DGKI: variants seen among roughly 807,000 people sequenced by gnomAD.
The protein encoded by DGKI is diacylglycerol kinase iota, also known as DAG kinase iota.
In DGKI, 55 loss-of-function variants were observed where a neutral mutation model predicts 147.5. The observed-to-expected ratio is 0.37, with a 90% confidence interval of 0.30 to 0.47. The LOEUF (loss-of-function observed/expected upper bound fraction) is 0.47, where lower values mean the gene tolerates loss of function less well. DGKI is among the 20% of genes least tolerant of loss of function. DGKI has a pLI of 1.00. For missense variants in DGKI, 1,007 were observed against 1,323.8 expected (o/e 0.76, Z 3.71); for synonymous variants, 469 against 477.1 (o/e 0.98, Z 0.22).
rs1428249519 is a variant in DGKI at position 137,384,635 on chromosome 7, C to T, written c.*6585G>A. The T allele has an allele frequency of 1.3e-5, 2 of 152,042 alleles. No individual in the cohort carries two copies. The highest frequency in any genetic ancestry group is 4.8e-5 in the African/African-American group (2 of 41,418). 9.4% of individuals were successfully genotyped at this position (152,042 alleles called of 1,614,324 possible). A position where few individuals can be genotyped will look rare whatever the true frequency, so the allele number is the denominator to read the frequency against. On this transcript the variant is annotated 3_prime_UTR_variant, in exon 33 of 33. Coordinates refer to ENST00000614521, the MANE Select transcript of DGKI (RefSeq NM_001321708.2). The stretch of plus-strand genomic sequence containing the variant: ...AATGTATTATATGCATTATTCACCT[C>T]GTTGGGGTTGTTTTGAACCCCAACT...
chr7:137,652,769 C>T (rs1822074498), intron 5 of DGKI, among the ~76,000 whole-genome samples: 1 of 152,178 alleles, frequency 6.6e-6, no homozygotes, highest in Non-Finnish European at 1.5e-5. Flanking sequence ...TGCATTGTCA[C>T]TAGCAATTAT....
At chr7:137,444,316 A>C (rs1279487781) in intron 27 of DGKI, among the ~76,000 whole-genome samples, 1 of 152,196 alleles carries the variant, frequency 6.6e-6, no homozygotes, top group African/African-American at 2.4e-5. Flanking sequence ...CTAAAATATC[A>C]GTCTATGCAT....
chr7:137,838,835 G>T (rs927979156), intron 1 of DGKI, among the ~76,000 whole-genome samples: 1 of 152,200 alleles, frequency 6.6e-6, no homozygotes. Context: ...CCAGAAGGCT[G>T]CACCTTCCAT....
chr7:137,708,486 A>G (rs1794113599), intron 1 of DGKI, among the ~76,000 whole-genome samples: 1 of 152,204 alleles, frequency 6.6e-6, no homozygotes, highest in South Asian at 2.1e-4. Context: ...TAGGATACTT[A>G]GTTCAGCTTT....
chr7:137,700,910 TAAATAAATAAATA>T (rs1823959544), intron 1 of DGKI, among the ~76,000 whole-genome samples: 1 of 107,172 alleles, frequency 9.3e-6, no homozygotes, highest in African/African-American at 2.9e-5. Context: ...AATAAATAAA[TAAATAAATAAATA>T]AAATAAAGTG....
At chr7:137,603,237 G>T (rs1419821432) in intron 10 of DGKI, among the ~76,000 whole-genome samples, 1 of 152,266 alleles carries the variant, frequency 6.6e-6, no homozygotes, top group African/African-American at 2.4e-5. Flanking sequence ...ATTGTTGGGG[G>T]TGTGGAGAAG....
At chr7:137,574,334 AG>A (rs1429784430) in intron 17 of DGKI, among the ~76,000 whole-genome samples, 1 of 152,204 alleles carries the variant, frequency 6.6e-6, no homozygotes, top group African/African-American at 2.4e-5. Context: ...AACTTACTTA[AG>A]AACTTGAAAT....
At chr7:137,777,903 T>G (rs1267809736) in intron 1 of DGKI, among the ~76,000 whole-genome samples, 2 of 152,112 alleles carry the variant, frequency 1.3e-5, no homozygotes, top group East Asian at 3.9e-4. Flanking sequence ...TACCTAAAAT[T>G]TCGTCATAAA....
At chr7:137,781,652 A>G (rs1221887950) in intron 1 of DGKI, among the ~76,000 whole-genome samples, 1 of 152,166 alleles carries the variant, frequency 6.6e-6, no homozygotes, top group African/African-American at 2.4e-5. Flanking sequence ...TCAATTCTAA[A>G]TCAACTCCAG....
chr7:137,520,710 G>A (rs1190078103), intron 21 of DGKI, among the ~76,000 whole-genome samples: 2 of 152,060 alleles, frequency 1.3e-5, no homozygotes, highest in Non-Finnish European at 2.9e-5. Context: ...AGTAGATTCA[G>A]TGATTAGGCT....
At chr7:137,451,822 T>C (rs1813972826) in intron 27 of DGKI, among the ~76,000 whole-genome samples, 1 of 151,974 alleles carries the variant, frequency 6.6e-6, no homozygotes, top group African/African-American at 2.4e-5. Context: ...TGTCCAGTTT[T>C]CTTTCTTTTT....
chr7:137,597,989 A>G, intron 11 of DGKI, 82 bp from the exon 12 acceptor site: 1 of 1,284,144 alleles, frequency 7.8e-7, no homozygotes. Flanking sequence ...CAACATGGGT[A>G]GGTAGGGGTG....
chr7:137,620,859 C>T (rs1159209999), intron 7 of DGKI, among the ~76,000 whole-genome samples: 1 of 152,116 alleles, frequency 6.6e-6, no homozygotes, highest in Non-Finnish European at 1.5e-5. Flanking sequence ...AATTATAGGC[C>T]TTAAATTTTA....
At chr7:137,680,151 T>A (rs1194939146) in intron 2 of DGKI, among the ~76,000 whole-genome samples, 1 of 152,052 alleles carries the variant, frequency 6.6e-6, no homozygotes, top group Non-Finnish European at 1.5e-5. Context: ...ATTCCCCTCA[T>A]GCACACACCA....
At chr7:137,638,533 C>CAT (rs1204068497) in intron 6 of DGKI, among the ~76,000 whole-genome samples, 1,183 of 56,250 alleles carry the variant, frequency 0.021, 180 homozygotes, top group African/African-American at 0.089. Context: ...TATACACACA[C>CAT]ATATATGTAT....
At chr7:137,533,149 C>A (rs1426229727) in intron 20 of DGKI, among the ~76,000 whole-genome samples, 1 of 151,864 alleles carries the variant, frequency 6.6e-6, no homozygotes, top group Non-Finnish European at 1.5e-5. Flanking sequence ...AATAAATAAG[C>A]ACGGTGGCAT....
chr7:137,788,633 A>T (rs1364726267), intron 1 of DGKI, among the ~76,000 whole-genome samples: 1 of 125,336 alleles, frequency 8.0e-6, no homozygotes, highest in Non-Finnish European at 1.6e-5. Flanking sequence ...CAAACCCATA[A>T]ATACACACAC....
intron 20 of DGKI, among the ~76,000 whole-genome samples, chr7:137,550,936 G>T (rs1244206976): frequency 6.6e-6 from 1 of 152,122 alleles, no homozygotes; most frequent in African/African-American, 2.4e-5. Context: ...GGGGGAATTG[G>T]ATGAACCATA....
At chr7:137,471,696 G>C (rs186917910) in intron 23 of DGKI, among the ~76,000 whole-genome samples, 1 of 151,894 alleles carries the variant, frequency 6.6e-6, no homozygotes, top group South Asian at 2.1e-4. Flanking sequence ...TAGAAACCTG[G>C]AGTGTATGGA....
Sources: gnomAD v4.1 joint callset for allele counts (sites outside exome capture counted in the v4.1 genomes callset) on GRCh38, gnomAD v4.1.1 for gene constraint, MANE v1.5 for transcripts, NCBI Gene and HGNC (gene_info 2026-07-23, HGNC 2026-07-21) for gene names.